AGBL1: variants seen among roughly 807,000 people sequenced by gnomAD.
AGBL1 encodes the protein AGBL carboxypeptidase 1, also known as cytosolic carboxypeptidase 4.
AGBL1 carries 130 observed loss-of-function variants against 118.9 expected under a neutral mutation model. The observed-to-expected ratio is 1.09, with a 90% CI of 0.95 to 1.26. The LOEUF is 1.26. Among genes scored for constraint, AGBL1 ranks in the 50% most tolerant of loss-of-function variants. The pLI is 0.00. For synonymous variants in AGBL1, 555 were observed against 478.9 expected (o/e 1.16, Z -2.08); for missense variants, 1,584 against 1,298.1 (o/e 1.22, Z -3.38).
At chr15:86,707,083 C>T (rs1048847594) in intron 22 of AGBL1, among the ~76,000 whole-genome samples, 3 of 152,132 alleles carry the variant, frequency 2.0e-5, no homozygotes, top group African/African-American at 4.8e-5. Context: ...GTCTCTCTAT[C>T]TGTTCATCTC....
chr15:86,757,716 C>T (rs1158594267), intron 22 of AGBL1, among the ~76,000 whole-genome samples: 1 of 152,002 alleles, frequency 6.6e-6, no homozygotes, highest in African/African-American at 2.4e-5. Flanking sequence ...CTTTTAGTTC[C>T]TAGGAATTTC....
intron 22 of AGBL1, among the ~76,000 whole-genome samples, chr15:86,826,078 A>T (rs979613582): frequency 2.6e-5 from 4 of 152,118 alleles, no homozygotes; most frequent in African/African-American, 9.7e-5. Flanking sequence ...CACTGATGTA[A>T]TCCACTGATT....
intron 24 of AGBL1, among the ~76,000 whole-genome samples, chr15:87,018,843 T>C (rs8028915): frequency 0.38 from 58,327 of 151,636 alleles, 11,712 homozygotes; most frequent in East Asian, 0.51. Flanking sequence ...GGATAATGAG[T>C]GAAGAAGACC....
chr15:86,797,528 CT>C (rs1248274845), intron 22 of AGBL1, among the ~76,000 whole-genome samples: 1 of 152,234 alleles, frequency 6.6e-6, no homozygotes, highest in Non-Finnish European at 1.5e-5. Context: ...TTGCTAATTG[CT>C]GATAGCTCTC....
intron 24 of AGBL1, among the ~76,000 whole-genome samples, chr15:87,015,995 C>T (rs956055013): frequency 1.3e-5 from 2 of 152,112 alleles, no homozygotes; most frequent in African/African-American, 4.8e-5. Flanking sequence ...TCTTGCTCTG[C>T]CTGTGGACTT....
chr15:86,762,272 T>G (rs2141273592), intron 22 of AGBL1, among the ~76,000 whole-genome samples: 1 of 152,076 alleles, frequency 6.6e-6, no homozygotes, highest in African/African-American at 2.4e-5. Flanking sequence ...ATGCTGGGCT[T>G]AATACCTAGG....
chr15:86,675,143 A>G (rs1379650412), intron 22 of AGBL1, among the ~76,000 whole-genome samples: 2 of 152,176 alleles, frequency 1.3e-5, no homozygotes, highest in Non-Finnish European at 1.5e-5. Flanking sequence ...GGGGAGTCCA[A>G]GAAGCCAAAA....
chr15:86,641,779 C>G (rs929052976), intron 21 of AGBL1, among the ~76,000 whole-genome samples: 1 of 151,940 alleles, frequency 6.6e-6, no homozygotes, highest in South Asian at 2.1e-4. Flanking sequence ...CTAAAAAAAC[C>G]CCACAGCTTT....
At chr15:86,571,318 C>G (rs2084003265) in intron 21 of AGBL1, among the ~76,000 whole-genome samples, 1 of 152,156 alleles carries the variant, frequency 6.6e-6, no homozygotes, top group South Asian at 2.1e-4. Flanking sequence ...TCAGCCTCAC[C>G]ATTCAGCAGG....
chr15:86,563,125 T>G (rs1242475961), intron 21 of AGBL1, among the ~76,000 whole-genome samples: 2 of 152,238 alleles, frequency 1.3e-5, no homozygotes, highest in Non-Finnish European at 2.9e-5. Context: ...TTGAAGGGTT[T>G]TTTGTGTCTC....
intron 23 of AGBL1, among the ~76,000 whole-genome samples, chr15:86,972,344 C>T (rs537249364): frequency 6.6e-5 from 10 of 152,086 alleles, no homozygotes; most frequent in South Asian, 2.1e-4. Context: ...ATAACTAAGA[C>T]GTGAAATTCT....
At chr15:86,284,443 G>A (rs2079409246) in intron 16 of AGBL1, among the ~76,000 whole-genome samples, 1 of 152,178 alleles carries the variant, frequency 6.6e-6, no homozygotes, top group Non-Finnish European at 1.5e-5. Flanking sequence ...AACTTGGGGA[G>A]CATAATATTG....
intron 21 of AGBL1, among the ~76,000 whole-genome samples, chr15:86,579,560 T>A (rs532460395): frequency 1.3e-5 from 2 of 152,270 alleles, no homozygotes; most frequent in Non-Finnish European, 2.9e-5. Context: ...GGGCACTTAT[T>A]GGGGAATTGT....
At chr15:86,311,675 A>T (rs2079923739) in intron 17 of AGBL1, among the ~76,000 whole-genome samples, 1 of 152,120 alleles carries the variant, frequency 6.6e-6, no homozygotes, top group Non-Finnish European at 1.5e-5. Context: ...CGCTTGTAAG[A>T]TGACTAATTT....
chr15:86,329,888 T>A (rs2141859973), intron 17 of AGBL1, among the ~76,000 whole-genome samples: 1 of 152,258 alleles, frequency 6.6e-6, no homozygotes. Context: ...CTTTGCTCCA[T>A]GCCCAGGCAG....
At chr15:86,127,203 G>A (rs1001436670) in intron 1 of AGBL1, among the ~76,000 whole-genome samples, 3 of 152,202 alleles carry the variant, frequency 2.0e-5, no homozygotes, top group Admixed American at 2.0e-4. Context: ...TCACTCAGAA[G>A]TATAAGGGCT....
chr15:86,837,472 T>A (rs912969979), intron 22 of AGBL1, among the ~76,000 whole-genome samples: 48 of 152,198 alleles, frequency 3.2e-4, no homozygotes, highest in African/African-American at 1.1e-3. Flanking sequence ...CCACAGCCTT[T>A]TGTTTACATA....
chr15:86,980,028 C>T (rs751311961), intron 23 of AGBL1, among the ~76,000 whole-genome samples: 1 of 152,126 alleles, frequency 6.6e-6, no homozygotes. Context: ...CAAATATAGC[C>T]TGAGAAATTG....
At chr15:86,127,523 T>G (rs1238276180) in intron 1 of AGBL1, among the ~76,000 whole-genome samples, 1 of 152,166 alleles carries the variant, frequency 6.6e-6, no homozygotes, top group Non-Finnish European at 1.5e-5. Context: ...AAGGGAAAGA[T>G]GGCATCCACC....
Sources: gnomAD v4.1 joint callset for allele counts (sites outside exome capture counted in the v4.1 genomes callset) on GRCh38, gnomAD v4.1.1 for gene constraint, MANE v1.5 for transcripts, NCBI Gene and HGNC (gene_info 2026-07-23, HGNC 2026-07-21) for gene names.